CSMD1: variants seen among roughly 807,000 people sequenced by gnomAD.
The protein encoded by CSMD1 is CUB and Sushi multiple domains 1.
Under a neutral mutation model 417.5 loss-of-function variants are expected in CSMD1, and 213 were observed. That is an observed-to-expected ratio of 0.51 (90% CI 0.46 to 0.57). CSMD1 has a LOEUF of 0.57. CSMD1 is among the 20% of genes least tolerant of loss of function. CSMD1 has a pLI of 0.00. For missense variants in CSMD1, 6,923 were observed against 4,529.7 expected (o/e 1.53, Z -15.17); for synonymous variants, 2,862 against 1,736.8 (o/e 1.65, Z -16.11).
intron 3 of CSMD1, among the ~76,000 whole-genome samples, chr8:4,257,718 C>A (rs58394202): frequency 1.3e-5 from 2 of 152,020 alleles, no homozygotes; most frequent in African/African-American, 2.4e-5. Flanking sequence ...CACTGGGTAC[C>A]AAATACCTCT....
At chr8:3,525,946 G>C (rs1015312642) in intron 10 of CSMD1, among the ~76,000 whole-genome samples, 1 of 152,122 alleles carries the variant, frequency 6.6e-6, no homozygotes, top group African/African-American at 2.4e-5. Context: ...TTGTTCTTAA[G>C]CCTTACAACA....
At chr8:4,741,218 G>A (rs78821208) in intron 1 of CSMD1, among the ~76,000 whole-genome samples, 20 of 152,218 alleles carry the variant, frequency 1.3e-4, no homozygotes, top group East Asian at 3.9e-4. Context: ...AGTGCCACAC[G>A]TGCAGTTCAC....
chr8:3,780,209 C>A (rs1799102756), intron 5 of CSMD1, among the ~76,000 whole-genome samples: 1 of 152,228 alleles, frequency 6.6e-6, no homozygotes, highest in Non-Finnish European at 1.5e-5. Context: ...TTATCTCCCT[C>A]TGTAAGTACA....
intron 2 of CSMD1, among the ~76,000 whole-genome samples, chr8:4,636,009 T>C (rs1802792932): frequency 1.3e-5 from 2 of 151,976 alleles, no homozygotes; most frequent in Non-Finnish European, 2.9e-5. Context: ...TTTGAAAATA[T>C]ATTAATGAAT....
intron 1 of CSMD1, among the ~76,000 whole-genome samples, chr8:4,886,121 G>T (rs1803723796): frequency 6.6e-6 from 1 of 152,028 alleles, no homozygotes; most frequent in African/African-American, 2.4e-5. Flanking sequence ...CTCCTGAGTA[G>T]CTGAGACCAC....
intron 1 of CSMD1, among the ~76,000 whole-genome samples, chr8:4,852,696 G>A (rs985793507): frequency 7.9e-5 from 12 of 152,186 alleles, no homozygotes; most frequent in Non-Finnish European, 1.5e-4. Flanking sequence ...ACGACAGGAA[G>A]ATGAGGGAAA....
At chr8:4,235,154 A>AGT (rs565166858) in intron 3 of CSMD1, among the ~76,000 whole-genome samples, 211 of 152,316 alleles carry the variant, frequency 1.4e-3, no homozygotes, top group Non-Finnish European at 1.9e-3. Flanking sequence ...CTCCACCCAC[A>AGT]GTGTGTGTGA....
At chr8:3,637,132 C>T (rs567702972) in intron 7 of CSMD1, among the ~76,000 whole-genome samples, 26 of 152,264 alleles carry the variant, frequency 1.7e-4, no homozygotes, top group African/African-American at 5.5e-4. Context: ...TAAATTATCC[C>T]GTTTGTGCTA....
chr8:4,337,344 A>T (rs925666793), intron 3 of CSMD1, among the ~76,000 whole-genome samples: 2 of 152,030 alleles, frequency 1.3e-5, no homozygotes, highest in African/African-American at 4.8e-5. Context: ...AGCAACCGAC[A>T]TTGTTGCAAA....
chr8:3,557,592 C>T (rs149925782), intron 10 of CSMD1, among the ~76,000 whole-genome samples: 1 of 152,206 alleles, frequency 6.6e-6, no homozygotes, highest in African/African-American at 2.4e-5. Context: ...GCCCCAACAG[C>T]CTCTCACTGC....
At chr8:4,389,153 T>C (rs771916691) in intron 3 of CSMD1, among the ~76,000 whole-genome samples, 1 of 152,218 alleles carries the variant, frequency 6.6e-6, no homozygotes, top group Non-Finnish European at 1.5e-5. Context: ...AAGCTTTTCA[T>C]TAATTTAAAA....
intron 3 of CSMD1, among the ~76,000 whole-genome samples, chr8:4,119,974 G>A (rs1802388056): frequency 6.6e-6 from 1 of 152,158 alleles, no homozygotes; most frequent in African/African-American, 2.4e-5. Flanking sequence ...TTAAAAGAAT[G>A]AATAAGACCT....
At chr8:4,686,138 G>A (rs970743017) in intron 1 of CSMD1, among the ~76,000 whole-genome samples, 1 of 152,084 alleles carries the variant, frequency 6.6e-6, no homozygotes. Context: ...GCCAAATTAT[G>A]TGCTATTCCC....
intron 1 of CSMD1, among the ~76,000 whole-genome samples, chr8:4,640,483 G>A (rs1235853869): frequency 6.6e-6 from 1 of 152,162 alleles, no homozygotes; most frequent in Non-Finnish European, 1.5e-5. Flanking sequence ...ATAGAATCTA[G>A]ATTTAAAGCT....
At chr8:3,262,126 C>T (rs1001282581) in intron 26 of CSMD1, among the ~76,000 whole-genome samples, 5 of 142,558 alleles carry the variant, frequency 3.5e-5, no homozygotes, top group African/African-American at 1.3e-4. Context: ...TTGCAGTATT[C>T]ATTTGAATTA....
chr8:4,336,128 A>C (rs1281318793), intron 3 of CSMD1, among the ~76,000 whole-genome samples: 1 of 152,104 alleles, frequency 6.6e-6, no homozygotes, highest in South Asian at 2.1e-4. Flanking sequence ...TGTTCTGTAT[A>C]AACTTCTCAC....
intron 8 of CSMD1, among the ~76,000 whole-genome samples, chr8:3,588,294 G>GA (rs1209754450): frequency 6.7e-6 from 1 of 149,258 alleles, no homozygotes; most frequent in Non-Finnish European, 1.5e-5. Context: ...AGTTAAGAAA[G>GA]AAAAAAATAA....
intron 5 of CSMD1, among the ~76,000 whole-genome samples, chr8:3,890,560 A>G (rs1563182330): frequency 6.6e-6 from 1 of 152,150 alleles, no homozygotes; most frequent in African/African-American, 2.4e-5. Context: ...GGACAAAATA[A>G]TAGGTAACAC....
intron 7 of CSMD1, among the ~76,000 whole-genome samples, chr8:3,654,757 G>C (rs1798020376): frequency 6.6e-6 from 1 of 152,156 alleles, no homozygotes; most frequent in Non-Finnish European, 1.5e-5. Context: ...GGCTTGAGCT[G>C]AACGGGGTAG....
Sources: allele counts gnomAD v4.1 joint callset (sites outside exome capture counted in the v4.1 genomes callset), GRCh38; gene constraint gnomAD v4.1.1; transcripts MANE v1.5; gene names NCBI Gene and HGNC (gene_info 2026-07-23, HGNC 2026-07-21).